DNAH8: variants seen among roughly 807,000 people sequenced by gnomAD.
DNAH8 encodes dynein axonemal heavy chain 8, also known as axonemal beta dynein heavy chain 8.
DNAH8 carries 382 observed loss-of-function variants against 562.1 expected under a neutral mutation model. The ratio of observed to expected loss-of-function variants is 0.68; its 90% confidence interval spans 0.63 to 0.74. DNAH8 has a LOEUF of 0.74. Ranked by LOEUF, DNAH8 falls within the 30% of genes least tolerant of loss-of-function variation. DNAH8 has a pLI of 0.00. For synonymous variants in DNAH8, 1,881 were observed against 1,919.4 expected, an observed-to-expected ratio of 0.98 and a Z score of 0.52; for missense variants, 5,203 against 5,620.4, an observed-to-expected ratio of 0.93 and a Z score of 2.37.
At chr6:38,887,187 C>T (rs1189267588) in intron 57 of DNAH8, among the ~76,000 whole-genome samples, 183 bp downstream of exon 57, 3 of 152,126 alleles carry the variant, frequency 2.0e-5, no homozygotes, top group Non-Finnish European at 2.9e-5. Flanking sequence ...TATTCTCAGA[C>T]TCAGAGATAT....
intron 53 of DNAH8, among the ~76,000 whole-genome samples, chr6:38,879,356 T>G (rs1778279825): frequency 2.0e-5 from 3 of 152,266 alleles, no homozygotes; most frequent in Admixed American, 6.5e-5. Context: ...GAAAATTTCT[T>G]AATAAAATTA....
chr6:39,000,910 G>A (rs2150750829), intron 88 of DNAH8, among the ~76,000 whole-genome samples: 1 of 152,284 alleles, frequency 6.6e-6, no homozygotes, highest in Non-Finnish European at 1.5e-5. Flanking sequence ...GAGGTGGGAA[G>A]GAAGTGACTG....
rs144696302 is a variant in DNAH8 at position 38,830,007 on chromosome 6, T to A, written c.4188+1719T>A. Among the ~76,000 whole-genome samples, 18 of 152,324 alleles carry A rather than the reference T, an allele frequency of 1.2e-4. No individual in the cohort carries two copies. In the East Asian group the frequency reaches 3.5e-3, roughly 29 times the overall value. On this transcript the variant is annotated intron_variant, in intron 30 of 92. Transcript: ENST00000327475. ...GCTGGTAGTGATGTCCCCTTTTTCA[T>A]TCCTAATTTTAGTAATTTGCATCTT...
In DNAH8 at chr6:38,990,073, C is replaced by A; in HGVS notation, c.13115C>A (p.Pro4372His). The A allele has an allele frequency of 6.3e-7, 1 of 1,598,726 alleles. No homozygotes were observed. Among genetic ancestry groups the A allele is most frequent in the Non-Finnish European group, 8.6e-7 (1 of 1,166,074 alleles). The change falls in exon 88 of 93, where the codon CCC (proline) becomes CAC (histidine). Residue 4372 changes from proline to histidine, a missense_variant. By Grantham distance (77) the Pro-to-His change is moderately conservative. Around this residue, in one of 6 missense-constraint regions of DNAH8, gnomAD observed 1,399 missense variants for 1,518.4 expected, o/e 0.92. Transcript: ENST00000327475. The stretch of plus-strand genomic sequence containing the variant: ...TGCTTTTATACTGGATATAAAATCC[C>A]CTTATGCAAAACCTTAGACCAGTAT... ...SFCFYTGYKI[P>H]LCKTLDQYFE...
At chr6:38,929,117 G>A (rs1203662903) in intron 74 of DNAH8, among the ~76,000 whole-genome samples, 1 of 152,064 alleles carries the variant, frequency 6.6e-6, no homozygotes, top group Non-Finnish European at 1.5e-5. Flanking sequence ...TACTCATCTT[G>A]TAGGGGTCCT....
chr6:38,986,706 G>A (rs2150724159), intron 87 of DNAH8, among the ~76,000 whole-genome samples: 1 of 152,374 alleles, frequency 6.6e-6, no homozygotes, highest in Admixed American at 6.5e-5. Flanking sequence ...ACAGCAGAAT[G>A]CTGATGGGAT....
At chr6:38,945,734 G>C in intron 80 of DNAH8, 146 bp downstream of exon 80, 2 of 1,073,920 alleles carry the variant, frequency 1.9e-6, no homozygotes, top group Non-Finnish European at 2.7e-6. Context: ...GGCTGTCTGG[G>C]AGAGATCTTG....
Position 38,984,283 on chromosome 6 carries a change from A to G in DNAH8, c.13029A>G (p.Lys4343=), listed in dbSNP as rs1485608103. The change falls in exon 87 of 93, where the codon AAA becomes AAG. Residue 4343 remains lysine, a synonymous_variant. Transcript: ENST00000327475. ...GCAGAGTGACAGATGACTTTGACAA[A>G]CGTCTACTTAATTGCTTTGCCAGAG... ...YGGRVTDDFD[K]RLLNCFARVW... is the part of the protein sequence containing the mutation. 3 of 1,607,472 alleles carry G rather than the reference A, an allele frequency of 1.9e-6. No homozygotes were observed. Among genetic ancestry groups the G allele is most frequent in the Admixed American group, 1.7e-5 (1 of 59,980 alleles).
intron 22 of DNAH8, 93 bp downstream of exon 22, chr6:38,803,404 C>T (rs1054880003): frequency 1.9e-5 from 16 of 847,584 alleles, no homozygotes; most frequent in Admixed American, 7.9e-5. Context: ...AATTCCAGAC[C>T]CTCCCTTCCC....
At chr6:38,967,305 A>T (rs1763035869) in intron 82 of DNAH8, among the ~76,000 whole-genome samples, 1 of 152,112 alleles carries the variant, frequency 6.6e-6, no homozygotes, top group South Asian at 2.1e-4. Context: ...AGGCAAAGAA[A>T]AAAAAAAACC....
At chr6:38,993,154 T>C (rs940469406) in intron 88 of DNAH8, among the ~76,000 whole-genome samples, 1 of 152,222 alleles carries the variant, frequency 6.6e-6, no homozygotes, top group Non-Finnish European at 1.5e-5. Flanking sequence ...CCCCATTCCA[T>C]ATTGATATCT....
At chr6:38,994,173 A>G (rs1246039471) in intron 88 of DNAH8, among the ~76,000 whole-genome samples, 4 of 152,184 alleles carry the variant, frequency 2.6e-5, no homozygotes, top group Admixed American at 2.0e-4. Flanking sequence ...GAAAATTTTC[A>G]TATACTTAAG....
At chr6:38,945,057 T>C (rs1783755995) in intron 79 of DNAH8, among the ~76,000 whole-genome samples, 1 of 152,124 alleles carries the variant, frequency 6.6e-6, no homozygotes, top group Non-Finnish European at 1.5e-5. Flanking sequence ...CTGTTTGACC[T>C]GGTAACAAGT....
chr6:39,021,196 C>A (rs979484689), intron 91 of DNAH8, among the ~76,000 whole-genome samples: 8 of 152,164 alleles, frequency 5.3e-5, no homozygotes, highest in African/African-American at 1.9e-4. Context: ...GAGTGAAGAA[C>A]CTTGACCTTG....
chr6:39,022,773 C>T (rs1767015767), intron 91 of DNAH8, among the ~76,000 whole-genome samples: 1 of 152,214 alleles, frequency 6.6e-6, no homozygotes, highest in Non-Finnish European at 1.5e-5. Context: ...GAGGGCCACA[C>T]CCCTGCAGTC....
intron 68 of DNAH8, among the ~76,000 whole-genome samples, chr6:38,916,802 T>C (rs571403477): frequency 6.6e-6 from 1 of 152,308 alleles, no homozygotes; most frequent in African/African-American, 2.4e-5. Context: ...TTACAGTAAT[T>C]TTCTTGTCTC....
chr6:38,969,679 G>C (rs901147890), intron 82 of DNAH8, among the ~76,000 whole-genome samples: 13 of 146,084 alleles, frequency 8.9e-5, no homozygotes, highest in Admixed American at 4.8e-4. Context: ...GAATGGATAG[G>C]GGGGTGGTGA....
chr6:38,836,466 C>A, intron 32 of DNAH8, among the ~76,000 whole-genome samples: 1 of 136,952 alleles, frequency 7.3e-6, no homozygotes, highest in Admixed American at 7.5e-5. Context: ...AACAAAACAA[C>A]AACAACAAAA....
chr6:38,940,645 A>C (rs987110751), intron 79 of DNAH8, among the ~76,000 whole-genome samples: 12 of 152,198 alleles, frequency 7.9e-5, no homozygotes, highest in Non-Finnish European at 1.6e-4. Context: ...TTACCCCACA[A>C]GTGACACATG....
Sources: gnomAD v4.1 joint callset for allele counts (sites outside exome capture counted in the v4.1 genomes callset) on GRCh38, gnomAD v4.1.1 for gene constraint, gnomAD v4.1.1 regional missense constraint, MANE v1.5 for transcripts, NCBI Gene and HGNC (gene_info 2026-07-23, HGNC 2026-07-21) for gene names.